The following ALMS1 variants were observed in gnomAD, a reference collection of about 807,000 sequenced individuals.
The protein encoded by ALMS1 is ALMS1 centrosome and basal body associated protein, also known as centrosome-associated protein ALMS1.
A neutral mutation model predicts 352.2 loss-of-function variants in ALMS1; 271 were observed. The observed-to-expected ratio is 0.77, with a 90% CI of 0.70 to 0.85. ALMS1 has a LOEUF of 0.85. ALMS1 is among the 40% of genes least tolerant of loss of function. The pLI is 0.00. For synonymous variants in ALMS1, 1,865 were observed against 1,761.2 expected (o/e 1.06, Z -1.48); for missense variants, 5,445 against 4,870.7 (o/e 1.12, Z -3.51).
In ALMS1 at chr2:73,424,738, A is replaced by T. The variant is rs1047764250; in HGVS notation, c.1073A>T (p.Glu358Val). ...ACACGAAAAGATACACAGTGGCCTG[A>T]AAACAATTTAGCTGATAAAGATCAA... ...WKTRKDTQWP[E>V]NNLADKDQVS... is the part of the protein sequence containing the mutation. The change falls in exon 5 of 23, where the codon GAA becomes GTA. Residue 358 changes from glutamate (E) to valine (V), a missense_variant. Transcript: ENST00000613296. 2 of 1,614,124 alleles carry T rather than the reference A, an allele frequency of 1.2e-6. No homozygotes were observed. The highest frequency in any genetic ancestry group is 2.7e-5 in the African/African-American group (2 of 75,048).
chr2:73,397,613 A>G (rs1293206956), intron 1 of ALMS1, among the ~76,000 whole-genome samples: 2 of 152,102 alleles, frequency 1.3e-5, no homozygotes, highest in Non-Finnish European at 2.9e-5. Context: ...GTTTACAGGC[A>G]TATGCCACCA....
At chr2:73,560,754 C>G (rs1674642370) in intron 15 of ALMS1, among the ~76,000 whole-genome samples, 1 of 152,194 alleles carries the variant, frequency 6.6e-6, no homozygotes, top group Non-Finnish European at 1.5e-5. Flanking sequence ...GAAGGAAATC[C>G]TATCACATAC....
At chr2:73,578,887 A>C (rs1265139255) in intron 16 of ALMS1, among the ~76,000 whole-genome samples, 1 of 151,952 alleles carries the variant, frequency 6.6e-6, no homozygotes, top group African/African-American at 2.4e-5. Context: ...CTTATTTCTT[A>C]TGCCTTATTT....
intron 7 of ALMS1, among the ~76,000 whole-genome samples, chr2:73,442,233 A>T (rs1435121020): frequency 6.6e-6 from 1 of 152,166 alleles, no homozygotes. Context: ...GGAAATACTC[A>T]TTAGAGCATT....
At chr2:73,386,801 G>A (rs1432208926) in intron 1 of ALMS1, among the ~76,000 whole-genome samples, 2 of 152,094 alleles carry the variant, frequency 1.3e-5, no homozygotes, top group Non-Finnish European at 2.9e-5. Context: ...AATACACAAT[G>A]GAGAAAGCCG....
At chr2:73,401,208 T>G (rs923821871) in intron 1 of ALMS1, among the ~76,000 whole-genome samples, 6 of 152,230 alleles carry the variant, frequency 3.9e-5, no homozygotes, top group African/African-American at 1.4e-4. Flanking sequence ...TTTTCTCTCT[T>G]TATTTGCTAT....
At chr2:73,564,861 C>A (rs1378535934) in intron 15 of ALMS1, among the ~76,000 whole-genome samples, 3 of 152,178 alleles carry the variant, frequency 2.0e-5, no homozygotes, top group Non-Finnish European at 4.4e-5. Flanking sequence ...GGAAAGAAGA[C>A]AAAATTTATC....
Position 73,452,761 on chromosome 2 carries a change from T to G in ALMS1, c.6234T>G (p.Pro2078=). Residue 2078 remains proline (P), a synonymous_variant, in exon 8 of 23, where the codon CCT becomes CCG. Coordinates refer to ENST00000613296, the MANE Select transcript of ALMS1 (RefSeq NM_001378454.1). ...SKGILKISAV[P]ELTDVNTGKP... ...GTATTCTAAAGATTTCAGCTGTCCC[T>G]GAACTAACTGATGTGAATACTGGAA... 6.2e-7 allele frequency: 1 copy of G among 1,613,434 alleles called. No homozygotes were observed. The highest frequency in any genetic ancestry group is 1.3e-5 in the African/African-American group (1 of 75,056).
intron 10 of ALMS1, among the ~76,000 whole-genome samples, chr2:73,513,586 C>G (rs1673495479): frequency 1.3e-5 from 2 of 152,176 alleles, no homozygotes; most frequent in African/African-American, 4.8e-5. Context: ...TCTCATCCTG[C>G]AGGAAATCTG....
Position 73,534,877 on chromosome 2 carries a change from G to A in ALMS1, c.9835G>A (p.Val3279Ile). The A allele has an allele frequency of 6.2e-7, 1 of 1,613,606 alleles. No homozygotes were observed. Among genetic ancestry groups the A allele is most frequent in the East Asian group, 2.2e-5 (1 of 44,822 alleles). Residue 3279 changes from valine (V) to isoleucine (I), a missense_variant, in exon 12 of 23, where the codon GTT (valine) becomes ATT (isoleucine). Transcript: ENST00000613296. ...TTCTGGTAGTACCAAGATGTATTAT[G>A]TTCCACAATTAAGACAAATTCCTCC... ...KPSGSTKMYYVPQLRQIPPSP... is the reference protein window; with the variant it reads ...KPSGSTKMYYIPQLRQIPPSP...
In ALMS1 at chr2:73,413,236, G is replaced by T. The variant is rs11883989; in HGVS notation, c.450+4489G>T. Reference sequence around the variant, plus strand: ...TCTAGATGCAAGTCCTTTATCAGTTGTTTCTTTTGCAGAGACAGTCTGTGG... The same window carrying T: ...TCTAGATGCAAGTCCTTTATCAGTTTTTTCTTTTGCAGAGACAGTCTGTGG... On this transcript the variant is annotated intron_variant, in intron 2 of 22. Coordinates refer to ENST00000613296, the MANE Select transcript of ALMS1 (RefSeq NM_001378454.1). Among the ~76,000 whole-genome samples, 13 of 151,980 alleles carry T rather than the reference G, an allele frequency of 8.6e-5. 1 individual carries two copies. The highest frequency in any genetic ancestry group is 6.8e-3 in the Middle Eastern group (2 of 294).
intron 1 of ALMS1, among the ~76,000 whole-genome samples, chr2:73,394,785 C>A (rs1670719743): frequency 1.3e-5 from 2 of 152,030 alleles, no homozygotes; most frequent in Non-Finnish European, 2.9e-5. Flanking sequence ...CGTACACAAA[C>A]CTAGATGGCA....
chr2:73,510,969 C>T (rs569841146), intron 10 of ALMS1, among the ~76,000 whole-genome samples: 4 of 152,280 alleles, frequency 2.6e-5, no homozygotes, highest in East Asian at 3.9e-4. Flanking sequence ...AAATTCCCAG[C>T]GGCTTTGTTT....
At chr2:73,536,635 T>C (rs577609050) in intron 12 of ALMS1, among the ~76,000 whole-genome samples, 33 of 152,278 alleles carry the variant, frequency 2.2e-4, no homozygotes, top group African/African-American at 7.9e-4. Context: ...TCTATAGCTA[T>C]GAGAGGAGCC....
In ALMS1 at chr2:73,491,406, T is replaced by A. The variant is rs1475513628; in HGVS notation, c.9447T>A (p.Asn3149Lys). The A allele has an allele frequency of 1.2e-6, 2 of 1,614,158 alleles. No homozygotes were observed. Among genetic ancestry groups the A allele is most frequent in the Non-Finnish European group, 1.7e-6 (2 of 1,180,018 alleles). ...ACTTGAAAACCATACCTTCTCAGAA[T>A]AGCCAGATAGTAACCTCCAGGCAAA... ...TQDLKTIPSQ[N>K]SQIVTSRQIQ... is the part of the protein sequence containing the mutation. The change falls in exon 10 of 23, where the codon AAT (asparagine) becomes AAA (lysine). Residue 3149 changes from asparagine to lysine, a missense_variant. Physicochemically the swap from Asn to Lys is moderately conservative, Grantham distance 94. Coordinates refer to ENST00000613296, the MANE Select transcript of ALMS1 (RefSeq NM_001378454.1).
intron 2 of ALMS1, among the ~76,000 whole-genome samples, chr2:73,414,383 A>G (rs978772576): frequency 6.7e-6 from 1 of 149,836 alleles, no homozygotes; most frequent in African/African-American, 2.5e-5. Context: ...CTTTTTTAAA[A>G]AAATATTTCC....
chr2:73,438,834 A>G (rs1316492432), intron 7 of ALMS1, among the ~76,000 whole-genome samples: 1 of 150,594 alleles, frequency 6.6e-6, no homozygotes, highest in Admixed American at 6.6e-5. Context: ...ACTATATCAC[A>G]CTGGATTTTG....
intron 2 of ALMS1, among the ~76,000 whole-genome samples, chr2:73,413,950 G>T (rs1016512636): frequency 1.7e-4 from 26 of 151,978 alleles, no homozygotes; most frequent in Admixed American, 1.4e-3. Flanking sequence ...CTTAAAATCA[G>T]GTTGTGTGAT....
At chr2:73,561,522 A>G (rs1674662805) in intron 15 of ALMS1, among the ~76,000 whole-genome samples, 1 of 152,102 alleles carries the variant, frequency 6.6e-6, no homozygotes, top group Admixed American at 6.5e-5. Flanking sequence ...AAATATCTAA[A>G]GTAGCTGAAA....
Sources: gnomAD v4.1 joint callset for allele counts (sites outside exome capture counted in the v4.1 genomes callset) on GRCh38, gnomAD v4.1.1 for gene constraint, MANE v1.5 for transcripts, NCBI Gene and HGNC (gene_info 2026-07-23, HGNC 2026-07-21) for gene names.